SNTG1: variants seen among roughly 807,000 people sequenced by gnomAD.
The protein encoded by SNTG1 is gamma-1-syntrophin.
Under a neutral mutation model 74.7 loss-of-function variants are expected in SNTG1, and 39 were observed. The observed-to-expected ratio is 0.52, with a 90% confidence interval of 0.40 to 0.68. The LOEUF (loss-of-function observed/expected upper bound fraction) is 0.68. SNTG1 is among the 30% of genes least tolerant of loss of function. SNTG1 has a pLI of 0.00. For synonymous variants in SNTG1, 254 were observed against 217.1 expected, an observed-to-expected ratio of 1.17 and a Z score of -1.49; for missense variants, 685 against 609.5, an observed-to-expected ratio of 1.12 and a Z score of -1.30.
intron 2 of SNTG1, among the ~76,000 whole-genome samples, chr8:50,280,125 T>A (rs2088355001): frequency 6.6e-6 from 1 of 152,236 alleles, no homozygotes; most frequent in Non-Finnish European, 1.5e-5. Flanking sequence ...CCTACAGTCA[T>A]ATTTTGGCTG....
intron 2 of SNTG1, among the ~76,000 whole-genome samples, chr8:50,243,904 G>A (rs576329663): frequency 4.6e-5 from 7 of 152,172 alleles, no homozygotes; most frequent in Admixed American, 1.3e-4. Context: ...CTGAGGAATC[G>A]ACCTTTCTGT....
intron 2 of SNTG1, among the ~76,000 whole-genome samples, chr8:50,178,508 A>T (rs2083084226): frequency 2.6e-5 from 4 of 152,146 alleles, no homozygotes. Context: ...ATTATAGACA[A>T]TACTAATTAA....
chr8:50,343,159 G>A (rs10282858), intron 2 of SNTG1, among the ~76,000 whole-genome samples: 9,940 of 152,122 alleles, frequency 0.065, 350 homozygotes, highest in African/African-American at 0.072. Context: ...AATTGCACCC[G>A]GTCAGACCTG....
chr8:50,513,756 C>G (rs527919323), intron 9 of SNTG1, among the ~76,000 whole-genome samples: 1 of 152,226 alleles, frequency 6.6e-6, no homozygotes, highest in Non-Finnish European at 1.5e-5. Flanking sequence ...TTGCTAAGAC[C>G]GTTGGAAAAG....
At chr8:50,672,382 T>C (rs943240488) in intron 15 of SNTG1, among the ~76,000 whole-genome samples, 15 of 152,136 alleles carry the variant, frequency 9.9e-5, no homozygotes, top group African/African-American at 3.4e-4. Flanking sequence ...CCATTCTAAC[T>C]AGCATGAGAT....
intron 2 of SNTG1, among the ~76,000 whole-genome samples, chr8:50,334,111 G>A (rs2091059237): frequency 6.6e-6 from 1 of 152,120 alleles, no homozygotes; most frequent in South Asian, 2.1e-4. Context: ...TGGCCAGGCT[G>A]GTCTAGAACT....
At chr8:50,762,080 A>G (rs2095600584) in intron 18 of SNTG1, among the ~76,000 whole-genome samples, 1 of 151,942 alleles carries the variant, frequency 6.6e-6, no homozygotes, top group African/African-American at 2.4e-5. Flanking sequence ...AACACAAAAC[A>G]CAAGTGAATC....
chr8:50,273,394 C>T (rs994493820), intron 2 of SNTG1, among the ~76,000 whole-genome samples: 27 of 152,166 alleles, frequency 1.8e-4, no homozygotes, highest in African/African-American at 7.2e-5. Flanking sequence ...CATCTATAAC[C>T]TGTGCCAGGC....
intron 1 of SNTG1, among the ~76,000 whole-genome samples, chr8:49,975,767 A>ATG (rs139364682): frequency 0.69 from 101,178 of 146,644 alleles, 37,007 homozygotes; most frequent in East Asian, 0.95. Flanking sequence ...ATATATATAT[A>ATG]TATGTGTGTG....
intron 13 of SNTG1, among the ~76,000 whole-genome samples, chr8:50,602,866 G>C (rs1391110125): frequency 1.3e-5 from 2 of 150,380 alleles, no homozygotes; most frequent in Non-Finnish European, 2.9e-5. Context: ...TGAAAAGTCA[G>C]CTGCCAGATG....
intron 1 of SNTG1, among the ~76,000 whole-genome samples, chr8:50,050,171 G>GA (rs957378825): frequency 9.9e-5 from 15 of 151,122 alleles, no homozygotes; most frequent in African/African-American, 2.2e-4. Context: ...CTGGCTCTTT[G>GA]AAAAAAAATC....
At chr8:50,465,906 T>A (rs546750041) in intron 8 of SNTG1, among the ~76,000 whole-genome samples, 75 of 152,264 alleles carry the variant, frequency 4.9e-4, no homozygotes, top group Non-Finnish European at 1.5e-5. Context: ...CTATAACATT[T>A]CCATGCAGGT....
chr8:50,536,667 C>G lies in SNTG1; in HGVS notation c.550-11C>G. On this transcript the variant is annotated splice_polypyrimidine_tract_variant and intron_variant, in intron 10 of 18. Coordinates refer to ENST00000642720, the MANE Select transcript of SNTG1 (RefSeq NM_018967.5). ...GAAAAAAATTACGTTGAATATTTAT[C>G]TTCCTTTCAGGACACATTATCATGC... 1 of 1,610,310 alleles carries G rather than the reference C, an allele frequency of 6.2e-7. No individual in the cohort carries two copies. Among genetic ancestry groups the G allele is most frequent in the Non-Finnish European group, 8.5e-7 (1 of 1,178,628 alleles).
chr8:50,759,220 G>C (rs541031285), intron 18 of SNTG1, among the ~76,000 whole-genome samples: 1 of 152,154 alleles, frequency 6.6e-6, no homozygotes, highest in East Asian at 1.9e-4. Context: ...TCCCTTGTCG[G>C]ATGGATAGAT....
At chr8:50,634,469 A>G (rs1422356838) in intron 13 of SNTG1, among the ~76,000 whole-genome samples, 1 of 152,172 alleles carries the variant, frequency 6.6e-6, no homozygotes, top group Non-Finnish European at 1.5e-5. Flanking sequence ...TTATCTTATT[A>G]AGTCAGTTTT....
intron 12 of SNTG1, among the ~76,000 whole-genome samples, chr8:50,559,600 T>C (rs2094475404): frequency 6.6e-6 from 1 of 151,930 alleles, no homozygotes; most frequent in Non-Finnish European, 1.5e-5. Context: ...GAAAAATACC[T>C]TGCACCTGAA....
chr8:50,730,150 A>G (rs527898381), intron 17 of SNTG1, among the ~76,000 whole-genome samples: 1 of 152,218 alleles, frequency 6.6e-6, no homozygotes, highest in Non-Finnish European at 1.5e-5. Flanking sequence ...ATAAGGTTTA[A>G]TTAATTTTGA....
intron 1 of SNTG1, among the ~76,000 whole-genome samples, chr8:50,102,553 C>T (rs2080180146): frequency 1.4e-5 from 2 of 143,056 alleles, no homozygotes; most frequent in African/African-American, 2.6e-5. Flanking sequence ...TGCAGAAGCT[C>T]TTTAGTTTAA....
At chr8:49,914,606 T>A (rs767888714) in intron 1 of SNTG1, among the ~76,000 whole-genome samples, 1 of 152,204 alleles carries the variant, frequency 6.6e-6, no homozygotes, top group Non-Finnish European at 1.5e-5. Flanking sequence ...TATATTCTAA[T>A]GTAATTATTC....
Sources: allele counts gnomAD v4.1 joint callset (sites outside exome capture counted in the v4.1 genomes callset), GRCh38; gene constraint gnomAD v4.1.1; transcripts MANE v1.5; gene names NCBI Gene and HGNC (gene_info 2026-07-23, HGNC 2026-07-21).